The following RASAL2 variants were observed in gnomAD, a reference collection of about 807,000 sequenced individuals.
RASAL2 encodes ras GTPase-activating protein nGAP.
RASAL2 carries 58 observed loss-of-function variants against 128.9 expected under a neutral mutation model. The ratio of observed to expected loss-of-function variants is 0.45; its 90% CI spans 0.36 to 0.56. The LOEUF is 0.56. Ranked by LOEUF, RASAL2 falls within the 20% of genes least tolerant of loss-of-function variation. RASAL2 has a pLI of 0.00. For missense variants in RASAL2, 1,360 were observed against 1,601.6 expected (o/e 0.85, Z 2.57); for synonymous variants, 561 against 580.8 (o/e 0.97, Z 0.49).
intron 1 of RASAL2, among the ~76,000 whole-genome samples, chr1:178,156,804 C>T (rs1571557975): frequency 6.6e-6 from 1 of 152,098 alleles, no homozygotes; most frequent in Non-Finnish European, 1.5e-5. Flanking sequence ...AAGCCTGATA[C>T]AGTGATATTC....
intron 11 of RASAL2, 23 bp from the exon 12 acceptor site, chr1:178,454,424 C>G (rs963417679): frequency 5.2e-6 from 8 of 1,548,662 alleles, no homozygotes; most frequent in African/African-American, 1.4e-5. Context: ...TGTTCTTTCT[C>G]ATTTTCTCAT....
rs1006574471 is a variant in RASAL2 at position 178,454,406 on chromosome 1, C to T, written c.2010-41C>T. On this transcript the variant is annotated intron_variant, in intron 11 of 17. Coordinates refer to ENST00000367649, the MANE Select transcript of RASAL2 (RefSeq NM_170692.4). ...GTCAAATCAAAATGATCATATCTCTCTTGAATATGTTCTTTCTCATTTTCT... is the reference window on the plus strand; with the variant it reads ...GTCAAATCAAAATGATCATATCTCTTTTGAATATGTTCTTTCTCATTTTCT... The T allele has an allele frequency of 1.1e-5, 16 of 1,485,138 alleles. No individual in the cohort carries two copies. The African/African-American group carries it at 2.1e-4, about 19-fold the overall frequency. The allele number at this position is 1,485,138 out of a possible 1,614,324, so 92.0% of individuals were successfully genotyped here. A position where few individuals can be genotyped will look rare whatever the true frequency, so the allele number is the denominator to read the frequency against.
At chr1:178,252,421 A>G (rs1420864695) in intron 1 of RASAL2, among the ~76,000 whole-genome samples, 3 of 152,146 alleles carry the variant, frequency 2.0e-5, no homozygotes, top group African/African-American at 7.2e-5. Context: ...TTTATGTAAA[A>G]TGTTAACATT....
chr1:178,458,174 A>G lies in RASAL2; in HGVS notation c.2882A>G (p.Asp961Gly), dbSNP rs142423029. 6.2e-7 allele frequency: 1 copy of G among 1,614,272 alleles called. No homozygotes were observed. Among genetic ancestry groups the G allele is most frequent in the Middle Eastern group, 1.6e-4 (1 of 6,062 alleles). Residue 961 changes from aspartate to glycine, a missense_variant, in exon 14 of 18, where the codon GAC becomes GGC. Transcript: ENST00000367649. ...TCCAGAAGCCAAAGTAACAGTGAAGACTTCAAGCTCAGTGGACCCAGCAAT... is the reference window on the plus strand; with the variant it reads ...TCCAGAAGCCAAAGTAACAGTGAAGGCTTCAAGCTCAGTGGACCCAGCAAT... ...ASSRSQSNSE[D>G]FKLSGPSNSS... is the part of the protein sequence containing the mutation.
chr1:178,359,808 C>A (rs1447858114), intron 3 of RASAL2, among the ~76,000 whole-genome samples: 1 of 152,114 alleles, frequency 6.6e-6, no homozygotes, highest in Non-Finnish European at 1.5e-5. Context: ...ATTAATTTCT[C>A]CTGTCTTACA....
At chr1:178,393,610 A>G (rs995994923) in intron 4 of RASAL2, among the ~76,000 whole-genome samples, 2 of 152,196 alleles carry the variant, frequency 1.3e-5, no homozygotes, top group African/African-American at 4.8e-5. Context: ...GTACTGGTCC[A>G]TGGCCCTGGG....
chr1:178,347,601 A>G (rs1472800840), intron 3 of RASAL2, among the ~76,000 whole-genome samples: 1 of 152,212 alleles, frequency 6.6e-6, no homozygotes, highest in Non-Finnish European at 1.5e-5. Context: ...GCAAATTTAA[A>G]CCAAAATAGG....
At chr1:178,455,066 T>G (rs911005313) in intron 12 of RASAL2, among the ~76,000 whole-genome samples, 5 of 152,118 alleles carry the variant, frequency 3.3e-5, no homozygotes, top group African/African-American at 1.2e-4. Flanking sequence ...TAACTACCCA[T>G]GAAACAAATT....
At chr1:178,178,486 A>T (rs752184408) in intron 1 of RASAL2, among the ~76,000 whole-genome samples, 1 of 152,192 alleles carries the variant, frequency 6.6e-6, no homozygotes, top group Non-Finnish European at 1.5e-5. Flanking sequence ...AGATATTGCA[A>T]GTCAATTTAT....
intron 3 of RASAL2, among the ~76,000 whole-genome samples, chr1:178,370,215 G>T (rs1671624204): frequency 6.6e-6 from 1 of 152,202 alleles, no homozygotes. Flanking sequence ...TAAAGGCGTG[G>T]AAGTGAGGTA....
chr1:178,271,605 G>A (rs971192806), intron 1 of RASAL2, among the ~76,000 whole-genome samples: 2 of 152,166 alleles, frequency 1.3e-5, no homozygotes, highest in African/African-American at 4.8e-5. Context: ...CTGACTAGAT[G>A]TGACCCAAAC....
chr1:178,170,433 A>G (rs1314375967), intron 1 of RASAL2, among the ~76,000 whole-genome samples: 1 of 151,700 alleles, frequency 6.6e-6, no homozygotes, highest in East Asian at 1.9e-4. Flanking sequence ...TTATTCTTTC[A>G]TTGTAGTAAA....
intron 1 of RASAL2, among the ~76,000 whole-genome samples, chr1:178,265,692 A>G (rs1665914982): frequency 6.6e-6 from 1 of 152,198 alleles, no homozygotes; most frequent in South Asian, 2.1e-4. Flanking sequence ...ATGAATTTGC[A>G]TAAAGGGGCA....
At chr1:178,120,980 C>G (rs1417168120) in intron 1 of RASAL2, 2 of 152,250 alleles carry the variant, frequency 1.3e-5, no homozygotes, top group African/African-American at 2.4e-5. Flanking sequence ...TGGCCCAGTT[C>G]CTAACAGGAA....
chr1:178,300,088 G>T lies in RASAL2; in HGVS notation c.427G>T (p.Glu143Ter). ...VSVPSEGQFPEYPPEGATKLE... is the reference protein window; with the variant it reads ...VSVPSEGQFP ...TGTCCCTTCCGAGGGTCAGTTTCCC[G>T]AGTACCCACCAGAGGGCGCCACTAA... The change falls in exon 3 of 18, where the codon GAG (glutamate) becomes TAG (stop). Residue 143 changes from glutamate (E) to a stop codon, truncating the protein, a stop_gained. Transcript: ENST00000367649. LOFTEE classifies it high-confidence loss of function. 6.2e-7 allele frequency: 1 copy of T among 1,613,768 alleles called. No individual in the cohort carries two copies. The highest frequency in any genetic ancestry group is 8.5e-7 in the Non-Finnish European group (1 of 1,179,880).
At chr1:178,331,001 C>G (rs1030925272) in intron 3 of RASAL2, among the ~76,000 whole-genome samples, 1 of 152,084 alleles carries the variant, frequency 6.6e-6, no homozygotes, top group Non-Finnish European at 1.5e-5. Context: ...TATTATGCCT[C>G]TTTGTTTGTT....
At chr1:178,213,360 C>T (rs1432305404) in intron 1 of RASAL2, among the ~76,000 whole-genome samples, 1 of 152,142 alleles carries the variant, frequency 6.6e-6, no homozygotes, top group Non-Finnish European at 1.5e-5. Flanking sequence ...ACTAAAATTA[C>T]ACATGTGCCT....
At chr1:178,244,243 C>A (rs1664658239) in intron 1 of RASAL2, among the ~76,000 whole-genome samples, 1 of 151,806 alleles carries the variant, frequency 6.6e-6, no homozygotes, top group Non-Finnish European at 1.5e-5. Flanking sequence ...ACTTTTATTT[C>A]ATTTTTTTTT....
At chr1:178,289,262 A>T (rs1308005612) in intron 2 of RASAL2, among the ~76,000 whole-genome samples, 1 of 151,802 alleles carries the variant, frequency 6.6e-6, no homozygotes, top group African/African-American at 2.4e-5. Flanking sequence ...CACTTTTCCT[A>T]TTTGGCTTCC....
Sources: gnomAD v4.1 joint callset for allele counts (sites outside exome capture counted in the v4.1 genomes callset) on GRCh38, gnomAD v4.1.1 for gene constraint, MANE v1.5 for transcripts, NCBI Gene and HGNC (gene_info 2026-07-23, HGNC 2026-07-21) for gene names.